Variants in FRMPD4 observed in about 807,000 individuals in gnomAD.
The protein encoded by FRMPD4 is FERM and PDZ domain containing 4.
In FRMPD4, 22 loss-of-function variants were observed where a neutral mutation model predicts 94.1. That is an observed-to-expected ratio of 0.23 (90% CI 0.17 to 0.33). The LOEUF (loss-of-function observed/expected upper bound fraction) is 0.33. Among genes scored for constraint, FRMPD4 ranks in the 10% least tolerant of loss-of-function variants. FRMPD4 has a pLI of 1.00. For synonymous variants in FRMPD4, 631 were observed against 548.6 expected, an observed-to-expected ratio of 1.15 and a Z score of -2.10; for missense variants, 1,111 against 1,339.9, an observed-to-expected ratio of 0.83 and a Z score of 2.67.
At chrX:11,976,481 A>G (rs776561360) in intron 3 of FRMPD4, among the ~76,000 whole-genome samples, 1 of 112,130 alleles carries the variant, frequency 8.9e-6, no homozygotes, top group African/African-American at 3.2e-5. Flanking sequence ...TTACACATCC[A>G]TTTTCAGGTA....
chrX:12,626,440 C>T (rs2059347524), intron 4 of FRMPD4, among the ~76,000 whole-genome samples: 1 of 107,171 alleles, frequency 9.3e-6, no homozygotes, highest in Admixed American at 1.0e-4. Context: ...AGAAACACAC[C>T]ATATTAAAAG....
At chrX:11,947,023 A>C (rs756566033) in intron 3 of FRMPD4, among the ~76,000 whole-genome samples, 6 of 111,566 alleles carry the variant, frequency 5.4e-5, no homozygotes, top group Non-Finnish European at 9.4e-5. Context: ...ACATATACCT[A>C]AACATATCCC....
intron 1 of FRMPD4, among the ~76,000 whole-genome samples, chrX:12,297,045 C>G (rs1045346524): frequency 1.8e-5 from 2 of 112,566 alleles, no homozygotes; most frequent in African/African-American, 6.5e-5. Flanking sequence ...CTGCTCACTC[C>G]TGGGAAATGC....
intron 4 of FRMPD4, among the ~76,000 whole-genome samples, chrX:12,629,482 G>T (rs112215726): frequency 1.8e-4 from 20 of 112,500 alleles, no homozygotes; most frequent in African/African-American, 6.1e-4. Context: ...CTTGCACAAG[G>T]AACTTAATTT....
chrX:12,096,798 T>G (rs557631426), intron 3 of FRMPD4, among the ~76,000 whole-genome samples: 4 of 110,634 alleles, frequency 3.6e-5, no homozygotes, highest in East Asian at 2.8e-4. Context: ...GAGGCAGGAG[T>G]ATTGCTCGAG....
At chrX:11,930,174 A>G (rs1195360258) in intron 3 of FRMPD4, among the ~76,000 whole-genome samples, 1 of 107,699 alleles carries the variant, frequency 9.3e-6, no homozygotes, top group African/African-American at 3.4e-5. Context: ...ACATGTGAAA[A>G]AGCACAATGT....
chrX:12,700,388 G>A (rs982628380), intron 9 of FRMPD4, among the ~76,000 whole-genome samples: 2 of 112,242 alleles, frequency 1.8e-5, no homozygotes, highest in Non-Finnish European at 3.8e-5. Flanking sequence ...GTAAGTGAAC[G>A]CACGTGTAGA....
intron 3 of FRMPD4, among the ~76,000 whole-genome samples, chrX:12,086,326 C>T (rs1465220036): frequency 8.9e-6 from 1 of 112,018 alleles, no homozygotes; most frequent in Admixed American, 9.5e-5. Flanking sequence ...CATTACTCAC[C>T]ATTTCCCAAA....
intron 2 of FRMPD4, among the ~76,000 whole-genome samples, chrX:12,580,216 C>T (rs2058850727): frequency 2.7e-5 from 3 of 111,974 alleles, no homozygotes; most frequent in African/African-American, 9.7e-5. Flanking sequence ...TGTCCAGTGG[C>T]TAAAACTCTA....
chrX:12,410,466 T>C (rs1165583799), intron 1 of FRMPD4, among the ~76,000 whole-genome samples: 4 of 111,304 alleles, frequency 3.6e-5, no homozygotes, highest in African/African-American at 1.3e-4. Context: ...GCAAACTTGG[T>C]TTCTGAGAGA....
At chrX:12,374,344 A>G (rs2056203945) in intron 1 of FRMPD4, among the ~76,000 whole-genome samples, 1 of 111,807 alleles carries the variant, frequency 8.9e-6, no homozygotes, top group Non-Finnish European at 1.9e-5. Context: ...TAGAAAGCGT[A>G]ACTTAAAATG....
upstream of FRMPD4, among the ~76,000 whole-genome samples, chrX:12,138,050 C>G (rs1452945273): frequency 8.9e-6 from 1 of 111,861 alleles, no homozygotes; most frequent in Non-Finnish European, 1.9e-5. Flanking sequence ...GGCAGACACT[C>G]CCGCGGTGCT....
intron 3 of FRMPD4, among the ~76,000 whole-genome samples, chrX:12,001,260 CAA>C (rs761714751): frequency 8.9e-6 from 1 of 112,064 alleles, no homozygotes; most frequent in East Asian, 2.8e-4. Context: ...GCCGCTATAA[CAA>C]AGACTGAAAG....
chrX:12,096,101 C>A (rs1195323397), intron 3 of FRMPD4, among the ~76,000 whole-genome samples: 1 of 112,370 alleles, frequency 8.9e-6, no homozygotes, highest in Non-Finnish European at 1.9e-5. Context: ...CCTGATGGCT[C>A]AATTATTTAT....
Position 12,312,239 on chromosome X carries a change from C to CTTTTTTTT in FRMPD4, c.41+173250_41+173257dup, listed in dbSNP as rs200625685. On this transcript the variant is annotated intron_variant, in intron 1 of 16. Transcript: ENST00000675598. ...CTTCCTTTTCAACTCTGCTCCATTA[C>CTTTTTTTT]TTTTTTTTTTTTTTTTTTTTTTTTT... Among the ~76,000 whole-genome samples the CTTTTTTTT allele has an allele frequency of 3.6e-4, 22 of 61,513 alleles. 7 individuals are homozygous for CTTTTTTTT. The highest frequency in any genetic ancestry group is 4.9e-4 in the African/African-American group (7 of 14,252). 53.4% of individuals were successfully genotyped at this position (61,513 alleles called of 115,157 possible). A position where few individuals can be genotyped will look rare whatever the true frequency, so the allele number is the denominator to read the frequency against.
intron 1 of FRMPD4, among the ~76,000 whole-genome samples, chrX:12,454,759 A>G (rs1277695690): frequency 9.1e-6 from 1 of 109,692 alleles, no homozygotes; most frequent in Admixed American, 9.8e-5. Context: ...GTTTTTTCAG[A>G]GACAATGAGT....
chrX:12,318,709 T>C (rs1251260108), intron 1 of FRMPD4, among the ~76,000 whole-genome samples: 1 of 111,009 alleles, frequency 9.0e-6, no homozygotes, highest in African/African-American at 3.3e-5. Flanking sequence ...TGTTTGATAG[T>C]GCAATAGGGT....
chrX:11,863,948 T>C (rs1156761727), intron 1 of FRMPD4, among the ~76,000 whole-genome samples: 3 of 111,996 alleles, frequency 2.7e-5, no homozygotes, highest in East Asian at 2.8e-4. Flanking sequence ...TAAAGATATA[T>C]GTTGAAGCTT....
At chrX:12,247,112 A>G (rs2053968347) in intron 1 of FRMPD4, among the ~76,000 whole-genome samples, 1 of 111,344 alleles carries the variant, frequency 9.0e-6, no homozygotes, top group Non-Finnish European at 1.9e-5. Flanking sequence ...CATCAGTACT[A>G]TTGACATTTT....
Sources: gnomAD v4.1 joint callset for allele counts (sites outside exome capture counted in the v4.1 genomes callset) on GRCh38, gnomAD v4.1.1 for gene constraint, MANE v1.5 for transcripts, NCBI Gene and HGNC (gene_info 2026-07-23, HGNC 2026-07-21) for gene names.